CLNK: variants seen among roughly 807,000 people sequenced by gnomAD.
The protein encoded by CLNK is cytokine-dependent hematopoietic cell linker.
Under a neutral mutation model 68.6 loss-of-function variants are expected in CLNK, and 74 were observed. The observed-to-expected ratio is 1.08, with a 90% confidence interval of 0.89 to 1.31. CLNK has a LOEUF of 1.31. Ranked by LOEUF, CLNK falls within the 50% of genes most tolerant of loss-of-function variation. The probability of loss-of-function intolerance (pLI) is 0.00; values close to 1 mark genes in which losing one functional copy is unlikely to be tolerated. For missense variants in CLNK, 553 were observed against 515.3 expected (o/e 1.07, Z -0.71); for synonymous variants, 198 against 172.2 (o/e 1.15, Z -1.17).
At chr4:10,579,620 G>A (rs1434555822) in intron 4 of CLNK, among the ~76,000 whole-genome samples, 3 of 152,156 alleles carry the variant, frequency 2.0e-5, no homozygotes, top group Non-Finnish European at 2.9e-5. Context: ...TTTTAAAGCA[G>A]CTCCAGAAAT....
At chr4:10,588,318 G>T (rs538755579) in intron 3 of CLNK, among the ~76,000 whole-genome samples, 1 of 152,254 alleles carries the variant, frequency 6.6e-6, no homozygotes, top group South Asian at 2.1e-4. Flanking sequence ...CTGGATTTTA[G>T]CCTGACCTTA....
At chr4:10,503,530 A>G (rs983723992) in intron 17 of CLNK, among the ~76,000 whole-genome samples, 3 of 148,604 alleles carry the variant, frequency 2.0e-5, no homozygotes, top group East Asian at 3.9e-4. Flanking sequence ...ATAAATTATG[A>G]TATATAATTC....
intron 2 of CLNK, among the ~76,000 whole-genome samples, chr4:10,664,704 C>G (rs1724324023): frequency 6.6e-6 from 1 of 152,214 alleles, no homozygotes; most frequent in South Asian, 2.1e-4. Flanking sequence ...TTCTAACAAG[C>G]TCCCTGGTGA....
At chr4:10,558,604 T>C (rs1719768375) in intron 7 of CLNK, among the ~76,000 whole-genome samples, 152 bp from the exon 8 acceptor site, 1 of 152,218 alleles carries the variant, frequency 6.6e-6, no homozygotes, top group African/African-American at 2.4e-5. Flanking sequence ...TCAACAAACA[T>C]GTATAAATAC....
chr4:10,638,239 C>A (rs963830786), intron 2 of CLNK, among the ~76,000 whole-genome samples: 1 of 152,204 alleles, frequency 6.6e-6, no homozygotes, highest in Non-Finnish European at 1.5e-5. Context: ...GGATTCGTAA[C>A]CACCCTGGGA....
intron 4 of CLNK, among the ~76,000 whole-genome samples, chr4:10,578,492 C>G (rs1041277939): frequency 2.0e-5 from 3 of 151,858 alleles, no homozygotes; most frequent in Non-Finnish European, 1.5e-5. Flanking sequence ...CACATAACAC[C>G]AACACATGCA....
At chr4:10,542,234 C>A (rs1447123768) in intron 9 of CLNK, 21 bp downstream of exon 9, 3 of 1,454,230 alleles carry the variant, frequency 2.1e-6, no homozygotes, top group Non-Finnish European at 2.8e-6. Flanking sequence ...ATAACAAATG[C>A]ATTTTATTGA....
intron 2 of CLNK, among the ~76,000 whole-genome samples, chr4:10,618,131 C>T (rs191404046): frequency 2.0e-5 from 3 of 152,106 alleles, no homozygotes; most frequent in Non-Finnish European, 4.4e-5. Context: ...ACCCAAATGC[C>T]TATAAATTGG....
intron 3 of CLNK, among the ~76,000 whole-genome samples, chr4:10,588,521 A>G (rs1721067115): frequency 6.6e-6 from 1 of 151,928 alleles, no homozygotes; most frequent in Admixed American, 6.6e-5. Context: ...AAATAAAATA[A>G]CTCGTATTCG....
the CLNK span, among the ~76,000 whole-genome samples, chr4:10,725,669 T>G: frequency 6.6e-6 from 1 of 152,056 alleles, no homozygotes; most frequent in East Asian, 1.9e-4. Flanking sequence ...CTGGCTAACA[T>G]GGTGAAACAC....
rs755903786 is a variant in CLNK, at chr4:10,525,737, CAAAG to C, written c.731+100_731+103del. ...GAGCCTCATTATTGGGCTTCAGAAA[CAAAG>C]ACTTTCGTTTCTCAGAAAGTCTTTG... is the stretch of plus-strand genomic sequence containing the variant. On this transcript the variant is annotated intron_variant, in intron 14 of 18. Coordinates refer to ENST00000226951, the MANE Select transcript of CLNK (RefSeq NM_052964.4). The C allele has an allele frequency of 3.0e-4, 199 of 658,006 alleles. 1 individual carries two copies. The highest frequency in any genetic ancestry group is 8.1e-4 in the South Asian group (38 of 47,202). The allele number at this position is 658,006 out of a possible 1,614,324, so 40.8% of individuals were successfully genotyped here. A position where few individuals can be genotyped will look rare whatever the true frequency, so the allele number is the denominator to read the frequency against.
chr4:10,632,033 CTT>C (rs1722913565), intron 2 of CLNK, among the ~76,000 whole-genome samples: 1 of 152,208 alleles, frequency 6.6e-6, no homozygotes, highest in African/African-American at 2.4e-5. Context: ...ATGAATAGCT[CTT>C]GTCTAGGGTG....
chr4:10,690,313 A>G, the CLNK span, among the ~76,000 whole-genome samples: 2,531 of 152,258 alleles, frequency 0.017, 79 homozygotes, highest in African/African-American at 0.058. Flanking sequence ...GGCTCAGTAT[A>G]AGAGCTCATC....
At chr4:10,589,228 CTT>C (rs1721094289) in intron 3 of CLNK, among the ~76,000 whole-genome samples, 1 of 152,212 alleles carries the variant, frequency 6.6e-6, no homozygotes, top group Admixed American at 6.5e-5. Context: ...GCAACTACAA[CTT>C]AGATGAGTTC....
intron 3 of CLNK, among the ~76,000 whole-genome samples, chr4:10,591,980 A>G (rs954908156): frequency 6.6e-6 from 1 of 151,900 alleles, no homozygotes; most frequent in East Asian, 1.9e-4. Context: ...GCCACTCACA[A>G]CTCTCATCAA....
the CLNK span, among the ~76,000 whole-genome samples, chr4:10,695,148 T>C: frequency 6.6e-6 from 1 of 151,638 alleles, no homozygotes; most frequent in Non-Finnish European, 1.5e-5. Flanking sequence ...TAATGTATTG[T>C]ATATTTCAAA....
intron 2 of CLNK, among the ~76,000 whole-genome samples, chr4:10,611,005 G>A (rs1721993930): frequency 6.9e-6 from 1 of 144,472 alleles, no homozygotes; most frequent in Non-Finnish European, 1.5e-5. Flanking sequence ...GCAACATGGT[G>A]AAACCCCATC....
At chr4:10,700,458 T>C in the CLNK span, among the ~76,000 whole-genome samples, 2 of 152,208 alleles carry the variant, frequency 1.3e-5, no homozygotes, top group African/African-American at 2.4e-5. Context: ...AGGTGGGTTG[T>C]TATTATACAT....
chr4:10,662,187 C>T lies in CLNK; in HGVS notation c.11+5672G>A, dbSNP rs182234716. Among the ~76,000 whole-genome samples, 55 of 152,238 alleles carry T rather than the reference C, an allele frequency of 3.6e-4. No individual in the cohort carries two copies. In the East Asian group the frequency reaches 9.6e-3, roughly 27 times the overall value. ...CACAACACCGTCTGCTCTAATACTCCTAGAGTATATAGTGTTAAGTTTAAT... is the reference window on the plus strand; with the variant it reads ...CACAACACCGTCTGCTCTAATACTCTTAGAGTATATAGTGTTAAGTTTAAT... On this transcript the variant is annotated intron_variant, in intron 2 of 18. Transcript: ENST00000226951.
Sources: allele counts gnomAD v4.1 joint callset (sites outside exome capture counted in the v4.1 genomes callset), GRCh38; gene constraint gnomAD v4.1.1; transcripts MANE v1.5; gene names NCBI Gene and HGNC (gene_info 2026-07-23, HGNC 2026-07-21).